Variants in RHOT2 observed in about 807,000 individuals in gnomAD.
The protein encoded by RHOT2 is ras homolog family member T2.
Under a neutral mutation model 81.6 loss-of-function variants are expected in RHOT2, and 90 were observed. The ratio of observed to expected loss-of-function variants is 1.10; its 90% CI spans 0.93 to 1.31. The LOEUF (loss-of-function observed/expected upper bound fraction) is 1.31. Among genes scored for constraint, RHOT2 ranks in the 40% most tolerant of loss-of-function variants. The pLI is 0.00. For missense variants in RHOT2, 1,014 were observed against 841.9 expected (o/e 1.20, Z -2.53); for synonymous variants, 512 against 370.9 (o/e 1.38, Z -4.37).
At position 670,718 on chromosome 16, in the gene RHOT2, T is replaced by A. The variant is rs780807791; in HGVS notation, c.584T>A (p.Leu195His). 2.5e-6 allele frequency: 4 copies of A among 1,612,458 alleles called. No individual in the cohort carries two copies. Among genetic ancestry groups the A allele is most frequent in the Non-Finnish European group, 3.4e-6 (4 of 1,179,918 alleles). ...CAQALTRIFRLSDQDLDQALS... is the reference protein window; with the variant it reads ...CAQALTRIFRHSDQDLDQALS... ...CAGGCGCTGACGCGCATCTTCAGGC[T>A]CTCAGATCAGGACCTGGACCAGGCG... is the stretch of plus-strand genomic sequence containing the variant. The change falls in exon 9 of 19, where the codon CTC becomes CAC. Residue 195 changes from leucine to histidine, a missense_variant. Physicochemically the swap from Leu to His is moderately conservative, Grantham distance 99. Transcript: ENST00000315082.
chr16:669,952 G>T, intron 5 of RHOT2, 171 bp from the exon 6 acceptor site: 1 of 640,916 alleles, frequency 1.6e-6, no homozygotes. Context: ...GACAGATGAG[G>T]CTGCACCTGC....
chr16:669,282 C>T lies in RHOT2; in HGVS notation c.223-271C>T, dbSNP rs577775631. ...CTGACCACAGTTATGCTTCTGGGGC[C>T]TGGTGTCCCTGCACTGGCAGTGGGC... On this transcript the variant is annotated intron_variant, in intron 4 of 18. Coordinates refer to ENST00000315082, the MANE Select transcript of RHOT2 (RefSeq NM_138769.3). 98 of 556,344 alleles carry T rather than the reference C, an allele frequency of 1.8e-4. 1 individual carries two copies. The East Asian group carries it at 2.6e-3, about 15-fold the overall frequency. 34.5% of individuals were successfully genotyped at this position (556,344 alleles called of 1,614,324 possible).
rs745640997 is a variant in RHOT2, at chr16:668,584, C to T, written c.178+15C>T. The T allele has an allele frequency of 1.2e-5, 20 of 1,610,290 alleles. No homozygotes were observed. The highest frequency in any genetic ancestry group is 8.8e-5 in the South Asian group (8 of 90,708). On this transcript the variant is annotated intron_variant, in intron 3 of 18. Coordinates refer to ENST00000315082, the MANE Select transcript of RHOT2 (RefSeq NM_138769.3). ...GGACTACTCAGGTAGCGGCCGTAGC[C>T]TCCCGGGGGCCCGGCCCGCAGCGGT...
At chr16:670,381 G>GC (rs1567240959) in intron 7 of RHOT2, 24 bp downstream of exon 7, 1 of 1,610,136 alleles carries the variant, frequency 6.2e-7, no homozygotes, top group East Asian at 2.2e-5. Flanking sequence ...AGGCAGGGCC[G>GC]CCTCCTTCAT....
chr16:672,447 G>C (rs1255159944), intron 15 of RHOT2, 42 bp from the exon 16 acceptor site: 1 of 1,611,220 alleles, frequency 6.2e-7, no homozygotes. Flanking sequence ...GCAATCTGGG[G>C]GGCACTGCAG....
rs1209190054 is a variant in RHOT2 at position 670,982 on chromosome 16, G to T, written c.730G>T (p.Asp244Tyr). The T allele has an allele frequency of 1.3e-6, 2 of 1,576,438 alleles. No individual in the cohort carries two copies. The highest frequency in any genetic ancestry group is 1.7e-6 in the Non-Finnish European group (2 of 1,160,940). Residue 244 changes from aspartate to tyrosine, a missense_variant, in exon 10 of 19, where the codon GAC becomes TAC. Asp to Tyr is a radical substitution (Grantham distance 160, BLOSUM62 -3). Transcript: ENST00000315082. ...CRNVAGGVRE[D>Y]RLTLDGFLFL... ...GAACGTGGCGGGCGGCGTGCGGGAG[G>T]ACCGGCTGACCCTGGATGGTGAGGC...
Position 671,685 on chromosome 16 carries a change from GC to G in RHOT2, c.870-10del. 1.2e-6 allele frequency: 2 copies of G among 1,609,358 alleles called. No homozygotes were observed. Among genetic ancestry groups the G allele is most frequent in the South Asian group, 2.2e-5 (2 of 90,914 alleles). On this transcript the variant is annotated splice_polypyrimidine_tract_variant and intron_variant, in intron 11 of 18. Transcript: ENST00000315082. ...TCTCCTGGGAGCTAGACGGGCTGTGGCCTCCCTGCAGGATCCACGTGCCCCC... is the reference window on the plus strand; with the variant it reads ...TCTCCTGGGAGCTAGACGGGCTGTGGCTCCCTGCAGGATCCACGTGCCCCC...
chr16:671,930 GC>G lies in RHOT2; in HGVS notation c.1029del (p.Glu344SerfsTer25). On this transcript the variant is annotated frameshift_variant, in exon 13 of 19. Coordinates refer to ENST00000315082, the MANE Select transcript of RHOT2 (RefSeq NM_138769.3). LOFTEE classifies it high-confidence loss of function. ...LFSVFPAAPW[G>X]PELPRTVRTE... The stretch of plus-strand genomic sequence containing the variant: ...AGTGTGTTCCCAGCAGCGCCCTGGG[GC>G]CCCGAGCTCCCACGCACAGTCCGCA... 2 of 1,611,988 alleles carry G rather than the reference GC, an allele frequency of 1.2e-6. No individual in the cohort carries two copies. Among genetic ancestry groups the G allele is most frequent in the Non-Finnish European group, 1.7e-6 (2 of 1,179,824 alleles).
At position 668,215 on chromosome 16, in the gene RHOT2, C is replaced by T. The variant is rs766745593; in HGVS notation, c.16C>T (p.Arg6Cys). The change falls in exon 1 of 19, where the codon CGC (arginine) becomes TGC (cysteine). Residue 6 changes from arginine to cysteine, a missense_variant. By Grantham distance (180) the Arg-to-Cys change is radical (BLOSUM62 -3). Transcript: ENST00000315082. The stretch of plus-strand genomic sequence containing the variant: ...GGCGGCAGCTATGAGGCGGGACGTG[C>T]GCATCCTGTTACTGGGCGAGGGTAG... MRRDV[R>C]ILLLGEAQVG... 7.3e-6 allele frequency: 4 copies of T among 544,762 alleles called. No homozygotes were observed. The highest frequency in any genetic ancestry group is 1.2e-5 in the Non-Finnish European group (4 of 331,212). The allele number at this position is 544,762 out of a possible 1,614,324, so 33.7% of individuals were successfully genotyped here.
chr16:670,003 CTTGGGCCCT>C, intron 5 of RHOT2, 111 bp from the exon 6 acceptor site: 1 of 907,228 alleles, frequency 1.1e-6, no homozygotes, highest in Non-Finnish European at 1.6e-6. Context: ...GTGGCCGGGA[CTTGGGCCCT>C]CAGTGGGCCT....
intron 7 of RHOT2, 35 bp from the exon 8 acceptor site, chr16:670,420 CG>C (rs1355111270): frequency 2.5e-6 from 4 of 1,605,996 alleles, no homozygotes; most frequent in African/African-American, 2.7e-5. Context: ...GTGCCCTCCT[CG>C]GGGCACTTCC....
intron 10 of RHOT2, 25 bp from the exon 11 acceptor site, chr16:671,058 C>T (rs1217729417): frequency 5.0e-6 from 8 of 1,608,650 alleles, no homozygotes; most frequent in East Asian, 2.2e-5. Context: ...GTGCCTGGTG[C>T]TCCCCCTGCT....
rs190450557 is a variant in RHOT2, at chr16:672,293, C to T, written c.1235C>T (p.Thr412Met). The change falls in exon 15 of 19, where the codon ACG becomes ATG. Residue 412 changes from threonine (T) to methionine (M), a missense_variant. Coordinates refer to ENST00000315082, the MANE Select transcript of RHOT2 (RefSeq NM_138769.3). The stretch of plus-strand genomic sequence containing the variant: ...AGGCTGGACCAGGAGAAGGGACAGA[C>T]GCAGCGGAGCGTCCTCCTGTGCAAG... ...EKRLDQEKGQ[T>M]QRSVLLCKVV... 552 of 1,612,220 alleles carry T rather than the reference C, an allele frequency of 3.4e-4. 9 individuals carry two copies. The South Asian group carries it at 5.3e-3, about 16-fold the overall frequency.
chr16:670,215 C>G, intron 6 of RHOT2, 34 bp from the exon 7 acceptor site: 1 of 1,611,812 alleles, frequency 6.2e-7, no homozygotes, highest in Non-Finnish European at 8.5e-7. Context: ...CCCCTGGCTC[C>G]CCTGCCCCTG....
At chr16:669,230 CCTGAGCCCT>C in intron 4 of RHOT2, 2 of 490,228 alleles carry the variant, frequency 4.1e-6, no homozygotes, top group Non-Finnish European at 7.5e-6. Flanking sequence ...CCGTGTCTGT[CCTGAGCCCT>C]CTGCTCCAAG....
Position 669,617 on chromosome 16 carries a change from A to G in RHOT2, c.276+11A>G. 1 of 1,611,324 alleles carries G rather than the reference A, an allele frequency of 6.2e-7. No individual in the cohort carries two copies. Among genetic ancestry groups the G allele is most frequent in the Non-Finnish European group, 8.5e-7 (1 of 1,179,732 alleles). ...GCCACCATTGAGAAGGTGAGCCCTCAGTGCAGACCCCAACAGCAGAGACAC... is the reference window on the plus strand; with the variant it reads ...GCCACCATTGAGAAGGTGAGCCCTCGGTGCAGACCCCAACAGCAGAGACAC... On this transcript the variant is annotated intron_variant, in intron 5 of 18. Transcript: ENST00000315082.
chr16:671,843 C>A lies in RHOT2; in HGVS notation c.955-17C>A, dbSNP rs1192830387. 1 of 1,501,490 alleles carries A rather than the reference C, an allele frequency of 6.7e-7. No homozygotes were observed. The highest frequency in any genetic ancestry group is 1.9e-5 in the Admixed American group (1 of 53,732). The allele number at this position is 1,501,490 out of a possible 1,614,324, so 93.0% of individuals were successfully genotyped here. On this transcript the variant is annotated splice_polypyrimidine_tract_variant and intron_variant, in intron 12 of 18. Coordinates refer to ENST00000315082, the MANE Select transcript of RHOT2 (RefSeq NM_138769.3). ...CCCCTCCCCGGCACACACATCACCA[C>A]ATCCCTCCTTCTGCAGGACCGCGAC... is the stretch of plus-strand genomic sequence containing the variant.
chr16:668,154 G>T lies in RHOT2; in HGVS notation c.-46G>T. On this transcript the variant is annotated 5_prime_UTR_variant, in exon 1 of 19. In the 5' UTR this introduces an upstream ATG that the reference lacks. Transcript: ENST00000315082. The stretch of plus-strand genomic sequence containing the variant: ...GGCAGAGCGAAAGGCTTGAGGACCA[G>T]GTCGGGGCCGGGTTCCGGGTCGGGG... 2.3e-6 allele frequency: 1 copy of T among 442,192 alleles called. No homozygotes were observed. The highest frequency in any genetic ancestry group is 4.0e-6 in the Non-Finnish European group (1 of 253,006). 27.4% of individuals were successfully genotyped at this position (442,192 alleles called of 1,614,324 possible).
rs753626451 is a variant in RHOT2, at chr16:670,575, C to A, written c.540+18C>A. ...CCAAGCAGGTGAGCATCGGCTGGGG[C>A]CCCGCACGCTGGTTCCCCAGGGGCC... On this transcript the variant is annotated intron_variant, in intron 8 of 18. Coordinates refer to ENST00000315082, the MANE Select transcript of RHOT2 (RefSeq NM_138769.3). 1 of 1,594,992 alleles carries A rather than the reference C, an allele frequency of 6.3e-7. No homozygotes were observed. Among genetic ancestry groups the A allele is most frequent in the Non-Finnish European group, 8.6e-7 (1 of 1,169,428 alleles).
Sources: gnomAD v4.1 joint callset for allele counts on GRCh38, gnomAD v4.1.1 for gene constraint, MANE v1.5 for transcripts, NCBI Gene and HGNC (gene_info 2026-07-23, HGNC 2026-07-21) for gene names.